The following TAFA2 variants were observed in gnomAD, a reference collection of about 807,000 sequenced individuals.
The protein encoded by TAFA2 is TAFA chemokine like family member 2, also known as chemokine-like protein TAFA-2.
TAFA2 carries 7 observed loss-of-function variants against 18.8 expected under a neutral mutation model. The ratio of observed to expected loss-of-function variants is 0.37; its 90% CI spans 0.21 to 0.70. The LOEUF (loss-of-function observed/expected upper bound fraction) is 0.70. Ranked by LOEUF, TAFA2 falls within the 30% of genes least tolerant of loss-of-function variation. The probability of loss-of-function intolerance (pLI) is 0.53; values close to 1 mark genes in which losing one functional copy is unlikely to be tolerated. For missense variants in TAFA2, 122 were observed against 158.1 expected (o/e 0.77, Z 1.23); for synonymous variants, 60 against 54.2 (o/e 1.11, Z -0.47).
At chr12:61,826,338 C>CTGTGTGTGTGTG (rs57736074) in intron 2 of TAFA2, among the ~76,000 whole-genome samples, 50 of 149,144 alleles carry the variant, frequency 3.4e-4, no homozygotes, top group African/African-American at 1.1e-3. Context: ...ATTAGTTCAT[C>CTGTGTGTGTGTG]TGTGTGTGTG....
chr12:61,979,907 A>C (rs955577537), intron 1 of TAFA2, among the ~76,000 whole-genome samples: 2 of 152,110 alleles, frequency 1.3e-5, no homozygotes, highest in African/African-American at 4.8e-5. Flanking sequence ...AGAAAAATTA[A>C]CCACCCTCTT....
intron 1 of TAFA2, among the ~76,000 whole-genome samples, chr12:61,931,719 T>G (rs1327650963): frequency 6.6e-6 from 1 of 152,238 alleles, no homozygotes; most frequent in Non-Finnish European, 1.5e-5. Context: ...TTTTGTAATG[T>G]TACAAAGGCT....
intron 1 of TAFA2, among the ~76,000 whole-genome samples, chr12:62,227,988 C>T (rs2062795052): frequency 6.6e-6 from 1 of 151,736 alleles, no homozygotes; most frequent in Non-Finnish European, 1.5e-5. Context: ...TATGTGGGTG[C>T]CATGTTGTTT....
intron 2 of TAFA2, among the ~76,000 whole-genome samples, chr12:61,860,015 A>G (rs1047474627): frequency 4.6e-5 from 7 of 152,234 alleles, no homozygotes; most frequent in African/African-American, 1.7e-4. Flanking sequence ...CTCTGCCTGC[A>G]TGGTTTAAAA....
At position 61,877,267 on chromosome 12, in the gene TAFA2, T is replaced by C. The variant is rs573091276; in HGVS notation, c.-1-9841A>G. ...TACTCTTTCCCTTTATGAATAAAAT[T>C]GGTCACATAATACACACTACTCTAA... On this transcript the variant is annotated intron_variant, in intron 1 of 4. Transcript: ENST00000416284. Among the ~76,000 whole-genome samples, 3 of 152,264 alleles carry C rather than the reference T, an allele frequency of 2.0e-5. No individual in the cohort carries two copies. The East Asian group carries it at 5.8e-4, about 29-fold the overall frequency.
chr12:61,993,805 C>A (rs11174268), intron 1 of TAFA2, among the ~76,000 whole-genome samples: 1 of 152,004 alleles, frequency 6.6e-6, no homozygotes, highest in Admixed American at 6.5e-5. Flanking sequence ...TGTTCATGTT[C>A]GTGGGATGTT....
chr12:61,829,046 T>A (rs1217039387), intron 2 of TAFA2, among the ~76,000 whole-genome samples: 1 of 151,788 alleles, frequency 6.6e-6, no homozygotes, highest in African/African-American at 2.4e-5. Flanking sequence ...CAATTATAAT[T>A]TCAAATTGAA....
chr12:62,065,660 G>A (rs767315119), intron 1 of TAFA2, among the ~76,000 whole-genome samples: 2 of 151,740 alleles, frequency 1.3e-5, no homozygotes, highest in Non-Finnish European at 3.0e-5. Flanking sequence ...AAATCATATG[G>A]TTTCACTAGC....
chr12:62,018,739 A>G (rs1217285433), intron 1 of TAFA2, among the ~76,000 whole-genome samples: 1 of 152,222 alleles, frequency 6.6e-6, no homozygotes. Context: ...AAACCTAGGC[A>G]ATACCATTCA....
At chr12:61,741,509 G>C (rs1868448107) in intron 4 of TAFA2, among the ~76,000 whole-genome samples, 1 of 152,096 alleles carries the variant, frequency 6.6e-6, no homozygotes, top group South Asian at 2.1e-4. Flanking sequence ...GATTCTGTTA[G>C]ATTGCATTTA....
chr12:61,917,326 T>A (rs1876867477), intron 1 of TAFA2, among the ~76,000 whole-genome samples: 2 of 152,202 alleles, frequency 1.3e-5, no homozygotes, highest in South Asian at 4.1e-4. Context: ...TTTCATAATT[T>A]TTACCTGTCA....
chr12:61,966,025 G>T (rs1030675020), intron 1 of TAFA2, among the ~76,000 whole-genome samples: 2 of 151,888 alleles, frequency 1.3e-5, no homozygotes, highest in Non-Finnish European at 2.9e-5. Context: ...CGCTGTGAAC[G>T]TGGGGGTATA....
intron 1 of TAFA2, among the ~76,000 whole-genome samples, chr12:61,897,430 A>AT (rs1565673181): frequency 6.9e-6 from 1 of 145,946 alleles, no homozygotes; most frequent in African/African-American, 2.8e-5. Context: ...AGTAATTTAT[A>AT]AAAAAAAAGA....
chr12:61,846,235 AC>A (rs569946757), intron 2 of TAFA2, among the ~76,000 whole-genome samples: 52 of 152,248 alleles, frequency 3.4e-4, no homozygotes, highest in African/African-American at 1.1e-3. Flanking sequence ...AGACGGATAG[AC>A]TTTTTTCTAT....
At chr12:61,825,762 T>G (rs1056732541) in intron 2 of TAFA2, among the ~76,000 whole-genome samples, 1 of 152,096 alleles carries the variant, frequency 6.6e-6, no homozygotes, top group Non-Finnish European at 1.5e-5. Flanking sequence ...AAATGTTTTT[T>G]GAAAGACGCC....
intron 1 of TAFA2, among the ~76,000 whole-genome samples, chr12:62,005,519 A>AT (rs1231748945): frequency 6.6e-6 from 1 of 152,122 alleles, no homozygotes; most frequent in African/African-American, 2.4e-5. Context: ...AGTTACATGC[A>AT]TATAGCATTT....
intron 1 of TAFA2, among the ~76,000 whole-genome samples, chr12:61,896,794 C>G (rs535354735): frequency 6.6e-6 from 1 of 152,234 alleles, no homozygotes; most frequent in African/African-American, 2.4e-5. Context: ...ATTCTGATTT[C>G]TAAGAGACCC....
At position 62,081,667 on chromosome 12, in the gene TAFA2, T is replaced by TAG. The variant is rs1293705192; in HGVS notation, c.-2+109590_-2+109591dup. Among the ~76,000 whole-genome samples, 12 of 152,170 alleles carry TAG rather than the reference T, an allele frequency of 7.9e-5. No homozygotes were observed. The East Asian group carries it at 2.1e-3, about 27-fold the overall frequency. ...ACCTGGCTAATTTTTGTATTTTTAG[T>TAG]AGAGACGGGGTTTCACTTTTTTGGC... is the stretch of plus-strand genomic sequence containing the variant. On this transcript the variant is annotated intron_variant, in intron 1 of 4. Transcript: ENST00000416284.
rs892059489 is a variant in TAFA2, at chr12:61,812,852, G to C, written c.106+54468C>G. On this transcript the variant is annotated intron_variant, in intron 2 of 4. Coordinates refer to ENST00000416284, the MANE Select transcript of TAFA2 (RefSeq NM_178539.5). Reference sequence around the variant, plus strand: ...CTCAAAATGCTGGGATTACAGGCATGAGCCACCACGCCCAGCCAACTTTTC... The same window carrying C: ...CTCAAAATGCTGGGATTACAGGCATCAGCCACCACGCCCAGCCAACTTTTC... Among the ~76,000 whole-genome samples, 5 of 151,484 alleles carry C rather than the reference G, an allele frequency of 3.3e-5. 1 individual carries two copies. Among genetic ancestry groups the C allele is most frequent in the African/African-American group, 1.2e-4 (5 of 40,794 alleles).
Sources: gnomAD v4.1 joint callset for allele counts (sites outside exome capture counted in the v4.1 genomes callset) on GRCh38, gnomAD v4.1.1 for gene constraint, MANE v1.5 for transcripts, NCBI Gene and HGNC (gene_info 2026-07-23, HGNC 2026-07-21) for gene names.